The following ASAP1 variants were observed in gnomAD, a reference collection of about 807,000 sequenced individuals.
ASAP1 encodes the protein arf-GAP with SH3 domain, ANK repeat and PH domain-containing protein 1.
A neutral mutation model predicts 145.2 loss-of-function variants in ASAP1; 43 were observed. The ratio of observed to expected loss-of-function variants is 0.30; its 90% confidence interval spans 0.23 to 0.38. ASAP1 has a LOEUF of 0.38. Ranked by LOEUF, ASAP1 falls within the 10% of genes least tolerant of loss-of-function variation. The pLI is 1.00. For missense variants in ASAP1, 1,018 were observed against 1,355.3 expected, an observed-to-expected ratio of 0.75 and a Z score of 3.91; for synonymous variants, 546 against 515.5, an observed-to-expected ratio of 1.06 and a Z score of -0.80.
intron 5 of ASAP1, among the ~76,000 whole-genome samples, chr8:130,213,042 C>A (rs1390010710): frequency 6.6e-6 from 1 of 152,222 alleles, no homozygotes; most frequent in Non-Finnish European, 1.5e-5. Flanking sequence ...CCACACCACA[C>A]TTTGAGCAAG....
intron 1 of ASAP1, among the ~76,000 whole-genome samples, chr8:130,404,063 C>T (rs28716119): frequency 0.32 from 49,224 of 152,090 alleles, 8,757 homozygotes; most frequent in African/African-American, 0.46. Context: ...TATGTTTCAA[C>T]GTGAAGACTG....
At chr8:130,329,122 G>C (rs2137765027) in intron 3 of ASAP1, among the ~76,000 whole-genome samples, 1 of 152,192 alleles carries the variant, frequency 6.6e-6, no homozygotes, top group East Asian at 1.9e-4. Flanking sequence ...TTAACACTTA[G>C]GGTATGAGAG....
intron 2 of ASAP1, among the ~76,000 whole-genome samples, chr8:130,401,281 T>C (rs1828784518): frequency 6.6e-6 from 1 of 152,074 alleles, no homozygotes; most frequent in Non-Finnish European, 1.5e-5. Flanking sequence ...AGTCTCACTC[T>C]GTTGCCCAGG....
intron 3 of ASAP1, among the ~76,000 whole-genome samples, chr8:130,280,580 C>A (rs1476819623): frequency 6.6e-6 from 1 of 152,162 alleles, no homozygotes; most frequent in Non-Finnish European, 1.5e-5. Flanking sequence ...CTGGACTCTT[C>A]CAGCTTTGAG....
At chr8:130,174,593 C>T (rs553041164) in intron 9 of ASAP1, among the ~76,000 whole-genome samples, 5 of 152,286 alleles carry the variant, frequency 3.3e-5, no homozygotes, top group Non-Finnish European at 7.3e-5. Flanking sequence ...ACTTTCAGCC[C>T]CACCCCTCCT....
In ASAP1 at chr8:130,290,817, T is replaced by C. The variant is rs190127392; in HGVS notation, c.187-53823A>G. On this transcript the variant is annotated intron_variant, in intron 3 of 29. Transcript: ENST00000518721. ...TCATGCCTGGTACTACAGGATCAAT[T>C]TTAGTACCGTATCACACAGACTTTC... Among the ~76,000 whole-genome samples, 5 of 152,294 alleles carry C rather than the reference T, an allele frequency of 3.3e-5. No homozygotes were observed. In the East Asian group the frequency reaches 9.6e-4, roughly 29 times the overall value.
intron 3 of ASAP1, among the ~76,000 whole-genome samples, chr8:130,294,260 C>T (rs938387558): frequency 6.6e-6 from 1 of 152,172 alleles, no homozygotes; most frequent in Non-Finnish European, 1.5e-5. Context: ...ATAAGACTTT[C>T]GAGGTTACTT....
chr8:130,357,976 C>T (rs1826441062), intron 3 of ASAP1, 41 bp downstream of exon 3: 1 of 1,573,922 alleles, frequency 6.4e-7, no homozygotes, highest in Non-Finnish European at 8.6e-7. Context: ...TGCGCGGCGG[C>T]AGCGGCGAGC....
Position 130,072,825 on chromosome 8 carries a change from G to GTGTGTGTGTGTGTGTGTGTGTGCA in ASAP1, c.2701+3522_2701+3523insTGCACACACACACACACACACACA. On this transcript the variant is annotated intron_variant, in intron 27 of 29. Transcript: ENST00000518721. ...TGTGTGTGTGTGTGTGTGTGTGTGT[G>GTGTGTGTGTGTGTGTGTGTGTGCA]CGCGCGGGGGGGGGCAGTTTTGGGG... Among the ~76,000 whole-genome samples, 11 of 54,096 alleles carry GTGTGTGTGTGTGTGTGTGTGTGCA rather than the reference G, an allele frequency of 2.0e-4. 1 individual carries two copies. Among genetic ancestry groups the GTGTGTGTGTGTGTGTGTGTGTGCA allele is most frequent in the Non-Finnish European group, 3.3e-4 (9 of 27,562 alleles). The allele number at this position is 54,096 out of a possible 152,430, so 35.5% of individuals were successfully genotyped here.
rs377111058 is a variant in ASAP1 at position 130,114,987 on chromosome 8, T to C, written c.2172+641A>G. On this transcript the variant is annotated intron_variant, in intron 23 of 29. Coordinates refer to ENST00000518721, the MANE Select transcript of ASAP1 (RefSeq NM_018482.4). Reference sequence around the variant, plus strand: ...TTTGCTTAGGTTGCTCTCGAATTCCTGGTCTCAAGCGATAGTTCTGCCTTG... The same window carrying C: ...TTTGCTTAGGTTGCTCTCGAATTCCCGGTCTCAAGCGATAGTTCTGCCTTG... Among the ~76,000 whole-genome samples, 76 of 152,136 alleles carry C rather than the reference T, an allele frequency of 5.0e-4. 1 individual carries two copies. Among genetic ancestry groups the C allele is most frequent in the Non-Finnish European group, 8.8e-4 (60 of 68,034 alleles).
chr8:130,395,958 G>A (rs11781211), intron 2 of ASAP1, among the ~76,000 whole-genome samples: 5,229 of 152,222 alleles, frequency 0.034, 126 homozygotes, highest in Middle Eastern at 0.075. Context: ...GAGCCACCGC[G>A]CCTGGCCATA....
chr8:130,428,324 T>C (rs1032136676), intron 1 of ASAP1, among the ~76,000 whole-genome samples: 3 of 142,326 alleles, frequency 2.1e-5, no homozygotes, highest in Admixed American at 7.3e-5. Flanking sequence ...ATGCCAGTGC[T>C]CGCTAAATTA....
chr8:130,296,405 A>G (rs1051037799), intron 3 of ASAP1, among the ~76,000 whole-genome samples: 7 of 152,238 alleles, frequency 4.6e-5, no homozygotes, highest in African/African-American at 1.4e-4. Context: ...TGGAGGAAGC[A>G]GCAAGCACCC....
intron 12 of ASAP1, 64 bp downstream of exon 12, chr8:130,159,800 G>A (rs188850564): frequency 7.7e-7 from 1 of 1,303,130 alleles, no homozygotes; most frequent in African/African-American, 1.5e-5. Flanking sequence ...TTCCCTATAT[G>A]AGAGACTGGA....
Position 130,056,472 on chromosome 8 carries a change from A to G in ASAP1, c.3315+1482T>C, listed in dbSNP as rs116572469. On this transcript the variant is annotated intron_variant, in intron 29 of 29. Transcript: ENST00000518721. ...GTTTAGTGGCATCCCTGGCCACTAA[A>G]CTTCCATCTACTAGTTGTTGGTAGC... Among the ~76,000 whole-genome samples the G allele has an allele frequency of 9.4e-3, 1,424 of 152,218 alleles. 24 individuals carry two copies. Among genetic ancestry groups the G allele is most frequent in the African/African-American group, 0.033 (1,364 of 41,522 alleles).
intron 18 of ASAP1, among the ~76,000 whole-genome samples, chr8:130,123,417 C>G (rs2097569732): frequency 6.6e-6 from 1 of 152,084 alleles, no homozygotes; most frequent in Admixed American, 6.6e-5. Context: ...TCACAATATG[C>G]CATGTTTTTG....
At chr8:130,206,802 C>G (rs1816253751) in intron 5 of ASAP1, among the ~76,000 whole-genome samples, 1 of 151,936 alleles carries the variant, frequency 6.6e-6, no homozygotes, top group Non-Finnish European at 1.5e-5. Context: ...CATTGAGAAT[C>G]TATTTCAATC....
intron 13 of ASAP1, among the ~76,000 whole-genome samples, chr8:130,150,650 G>A (rs1361760074): frequency 6.6e-6 from 1 of 152,064 alleles, no homozygotes; most frequent in Non-Finnish European, 1.5e-5. Context: ...AGGCCGAGGC[G>A]GGTGGATCAC....
chr8:130,183,218 C>A (rs565097402), intron 7 of ASAP1, among the ~76,000 whole-genome samples: 148 of 152,026 alleles, frequency 9.7e-4, no homozygotes, highest in African/African-American at 3.4e-3. Context: ...CAAACAACAA[C>A]CACATATCAC....
Sources: allele counts gnomAD v4.1 joint callset (sites outside exome capture counted in the v4.1 genomes callset), GRCh38; gene constraint gnomAD v4.1.1; transcripts MANE v1.5; gene names NCBI Gene and HGNC (gene_info 2026-07-23, HGNC 2026-07-21).